DAB1: variants seen among roughly 807,000 people sequenced by gnomAD.
The protein encoded by DAB1 is DAB adaptor protein 1.
In DAB1, 15 loss-of-function variants were observed where a neutral mutation model predicts 64.6. The ratio of observed to expected loss-of-function variants is 0.23; its 90% confidence interval spans 0.16 to 0.36. DAB1 has a LOEUF of 0.36. Ranked by LOEUF, DAB1 falls within the 10% of genes least tolerant of loss-of-function variation. The probability of loss-of-function intolerance (pLI) is 1.00; values close to 1 mark genes in which losing one functional copy is unlikely to be tolerated. For synonymous variants in DAB1, 235 were observed against 251.9 expected, an observed-to-expected ratio of 0.93 and a Z score of 0.64; for missense variants, 596 against 706.7, an observed-to-expected ratio of 0.84 and a Z score of 1.78.
At chr1:57,718,498 TTGA>T (rs1647112069) in intron 6 of DAB1, among the ~76,000 whole-genome samples, 1 of 152,180 alleles carries the variant, frequency 6.6e-6, no homozygotes, top group South Asian at 2.1e-4. Context: ...AGAATTTTTT[TTGA>T]TGACTGAAAA....
intron 1 of DAB1, among the ~76,000 whole-genome samples, chr1:57,354,352 T>C (rs1678886764): frequency 6.6e-6 from 1 of 152,170 alleles, no homozygotes; most frequent in African/African-American, 2.4e-5. Context: ...TTTTGGACCT[T>C]AGATCACTTC....
intron 6 of DAB1, among the ~76,000 whole-genome samples, chr1:57,731,735 G>A (rs1368929264): frequency 6.6e-6 from 1 of 151,796 alleles, no homozygotes; most frequent in Non-Finnish European, 1.5e-5. Context: ...AACCCAGGAG[G>A]CGGAGGTTGC....
intron 3 of DAB1, chr1:58,468,301 CTT>C (rs1645317142): frequency 2.6e-5 from 4 of 152,150 alleles, no homozygotes; most frequent in Admixed American, 2.0e-4. Flanking sequence ...AGTTTTAAAA[CTT>C]TGTATAAATG....
At chr1:57,046,652 A>G (rs545069794) in intron 9 of DAB1, among the ~76,000 whole-genome samples, 45 of 152,310 alleles carry the variant, frequency 3.0e-4, no homozygotes, top group African/African-American at 1.1e-3. Flanking sequence ...AATGATCTGT[A>G]TTACAGGAAT....
intron 2 of DAB1, among the ~76,000 whole-genome samples, chr1:57,218,515 T>TAAAAAAAAAAAAAAAAAAAAAAAAA (rs776398255): frequency 1.4e-5 from 1 of 71,440 alleles, no homozygotes; most frequent in Non-Finnish European, 2.3e-5. Context: ...CCCCCATCTC[T>TAAAAAAAAAAAAAAAAAAAAAAAAA]AAAAAAAAAA....
At chr1:57,046,361 T>C (rs757018314) in intron 9 of DAB1, among the ~76,000 whole-genome samples, 1 of 152,224 alleles carries the variant, frequency 6.6e-6, no homozygotes, top group Admixed American at 6.5e-5. Context: ...TTGTATCCTT[T>C]GGGTTGTGAC....
At chr1:57,095,561 G>A (rs772106093) in intron 4 of DAB1, among the ~76,000 whole-genome samples, 2 of 152,170 alleles carry the variant, frequency 1.3e-5, no homozygotes, top group East Asian at 1.9e-4. Context: ...TTGGGTTGAC[G>A]ATTAACGGCA....
intron 5 of DAB1, among the ~76,000 whole-genome samples, chr1:58,039,867 C>A (rs1647107956): frequency 6.6e-6 from 1 of 152,078 alleles, no homozygotes; most frequent in Non-Finnish European, 1.5e-5. Context: ...GAAGTACTTA[C>A]AAAAGTGCTT....
intron 3 of DAB1, among the ~76,000 whole-genome samples, chr1:58,418,268 CT>C (rs1379622020): frequency 2.0e-5 from 3 of 152,132 alleles, no homozygotes; most frequent in African/African-American, 7.2e-5. Context: ...AATATTTTTT[CT>C]CTTAAGCAAG....
intron 3 of DAB1, among the ~76,000 whole-genome samples, chr1:58,361,819 T>C (rs941360637): frequency 6.6e-6 from 1 of 151,248 alleles, no homozygotes; most frequent in Middle Eastern, 3.4e-3. Context: ...CACATTCTCA[T>C]GGTCCCTTCA....
intron 1 of DAB1, among the ~76,000 whole-genome samples, chr1:57,373,713 G>A (rs1680677112): frequency 2.0e-5 from 3 of 152,066 alleles, no homozygotes; most frequent in South Asian, 2.1e-4. Flanking sequence ...ATCAGCAGTC[G>A]CAAATTCTGG....
intron 5 of DAB1, among the ~76,000 whole-genome samples, chr1:58,001,098 T>A (rs935725386): frequency 6.6e-6 from 1 of 151,938 alleles, no homozygotes; most frequent in South Asian, 2.1e-4. Flanking sequence ...CTTCCCCTTC[T>A]CTTTGTTTTT....
intron 1 of DAB1, among the ~76,000 whole-genome samples, chr1:57,321,873 C>T (rs1675750136): frequency 1.1e-5 from 1 of 89,170 alleles, no homozygotes; most frequent in African/African-American, 2.8e-5. Flanking sequence ...ATGCATGACT[C>T]TTTCCACAAT....
chr1:57,010,473 C>CA (rs1353106348), intron 14 of DAB1, among the ~76,000 whole-genome samples: 1 of 152,106 alleles, frequency 6.6e-6, no homozygotes, highest in Non-Finnish European at 1.5e-5. Context: ...ATGGTGCAGA[C>CA]ACTGGTGATA....
intron 7 of DAB1, among the ~76,000 whole-genome samples, chr1:57,558,851 T>C (rs1467437613): frequency 6.6e-6 from 1 of 152,166 alleles, no homozygotes; most frequent in Non-Finnish European, 1.5e-5. Flanking sequence ...GTGGAGTGGA[T>C]TAGTCACTTT....
At position 58,074,080 on chromosome 1, in the gene DAB1, G is replaced by A. The variant is rs577961647; in HGVS notation, n.387+76431C>T. Among the ~76,000 whole-genome samples, 51 of 152,166 alleles carry A rather than the reference G, an allele frequency of 3.4e-4. No homozygotes were observed. The South Asian group carries it at 5.0e-3, about 15-fold the overall frequency. On this transcript the variant is annotated intron_variant and non_coding_transcript_variant, in intron 5 of 20. Transcript: ENST00000485760. ...TCTGGACTTCTCAAATACATGAGCCGGTAAATTCCACTATTGTTTAAGTCT... is the reference window on the plus strand; with the variant it reads ...TCTGGACTTCTCAAATACATGAGCCAGTAAATTCCACTATTGTTTAAGTCT...
intron 2 of DAB1, among the ~76,000 whole-genome samples, chr1:57,161,410 G>C (rs1163324754): frequency 2.6e-5 from 4 of 152,142 alleles, no homozygotes; most frequent in Non-Finnish European, 5.9e-5. Context: ...CAGCTGGGCT[G>C]CACCTGTAAG....
chr1:57,203,485 G>T (rs187492676), intron 2 of DAB1, among the ~76,000 whole-genome samples: 82 of 152,276 alleles, frequency 5.4e-4, no homozygotes, highest in Admixed American at 1.4e-3. Context: ...CCACAGACTA[G>T]CTGCCATGAC....
intron 2 of DAB1, among the ~76,000 whole-genome samples, chr1:57,223,943 G>A (rs949125780): frequency 2.6e-5 from 4 of 152,120 alleles, no homozygotes; most frequent in Admixed American, 2.6e-4. Context: ...AGAAAAAACT[G>A]GGTTCAATTC....
Sources: gnomAD v4.1 joint callset for allele counts (sites outside exome capture counted in the v4.1 genomes callset) on GRCh38, gnomAD v4.1.1 for gene constraint, MANE v1.5 for transcripts, NCBI Gene and HGNC (gene_info 2026-07-23, HGNC 2026-07-21) for gene names.